GRIA4: variants seen among roughly 807,000 people sequenced by gnomAD.
GRIA4 encodes the protein glutamate ionotropic receptor AMPA type subunit 4.
Under a neutral mutation model 104.0 loss-of-function variants are expected in GRIA4, and 34 were observed. The observed-to-expected ratio is 0.33, with a 90% confidence interval of 0.25 to 0.44. GRIA4 has a LOEUF of 0.44. GRIA4 is among the 20% of genes least tolerant of loss of function. The probability of loss-of-function intolerance (pLI) is 1.00; values close to 1 mark genes in which losing one functional copy is unlikely to be tolerated. For synonymous variants in GRIA4, 386 were observed against 381.9 expected (o/e 1.01, Z -0.13); for missense variants, 750 against 1,096.5 (o/e 0.68, Z 4.46).
intron 4 of GRIA4, among the ~76,000 whole-genome samples, chr11:105,773,730 G>A (rs1402963273): frequency 6.6e-6 from 1 of 152,108 alleles, no homozygotes; most frequent in Admixed American, 6.6e-5. Flanking sequence ...AGGTTGCTAA[G>A]GTAGGTCCTG....
chr11:105,704,343 T>C (rs1953615683), intron 3 of GRIA4, among the ~76,000 whole-genome samples: 1 of 152,044 alleles, frequency 6.6e-6, no homozygotes, highest in Admixed American at 6.6e-5. Context: ...AAGAATTGAC[T>C]AGATAAGGAG....
chr11:105,898,579 T>G, intron 7 of GRIA4, 152 bp downstream of exon 7: 1 of 596,536 alleles, frequency 1.7e-6, no homozygotes, highest in Non-Finnish European at 2.9e-6. Context: ...CACATGCTCT[T>G]AATAATTTCT....
chr11:105,631,323 A>T (rs1951030572), intron 3 of GRIA4, among the ~76,000 whole-genome samples: 1 of 152,232 alleles, frequency 6.6e-6, no homozygotes, highest in Admixed American at 6.5e-5. Context: ...AGGATAGCTT[A>T]AGATAACAGA....
chr11:105,894,006 T>C (rs590908), intron 6 of GRIA4, among the ~76,000 whole-genome samples: 208 of 152,300 alleles, frequency 1.4e-3, no homozygotes, highest in African/African-American at 4.6e-3. Context: ...AGTGGGCATA[T>C]AATAGGCATG....
intron 4 of GRIA4, among the ~76,000 whole-genome samples, chr11:105,805,478 G>GAAA (rs57123559): frequency 8.7e-5 from 8 of 92,476 alleles, no homozygotes; most frequent in African/African-American, 3.6e-4. Context: ...AAGAAATCAG[G>GAAA]AAAAAAAAAA....
intron 3 of GRIA4, among the ~76,000 whole-genome samples, chr11:105,722,780 A>G (rs1937914136): frequency 6.6e-6 from 1 of 152,092 alleles, no homozygotes; most frequent in Non-Finnish European, 1.5e-5. Context: ...CTCCATGTCC[A>G]TTGTATTACA....
intron 4 of GRIA4, among the ~76,000 whole-genome samples, chr11:105,792,561 C>T (rs1017996769): frequency 6.6e-6 from 1 of 151,856 alleles, no homozygotes; most frequent in Admixed American, 6.6e-5. Flanking sequence ...CATATACCAC[C>T]CAAAATTTTG....
chr11:105,979,385 A>G (rs1859157758), intron 16 of GRIA4, among the ~76,000 whole-genome samples, 190 bp from the exon 17 acceptor site: 1 of 152,232 alleles, frequency 6.6e-6, no homozygotes, highest in Non-Finnish European at 1.5e-5. Context: ...AACTCTAGAC[A>G]GATTCATTCT....
intron 3 of GRIA4, among the ~76,000 whole-genome samples, chr11:105,662,422 C>T (rs1952040616): frequency 6.6e-6 from 1 of 151,584 alleles, no homozygotes; most frequent in African/African-American, 2.4e-5. Flanking sequence ...GGCAGAAAGG[C>T]ATGGAAACAG....
At chr11:105,682,211 T>C (rs1179469005) in intron 3 of GRIA4, among the ~76,000 whole-genome samples, 1 of 152,168 alleles carries the variant, frequency 6.6e-6, no homozygotes, top group Non-Finnish European at 1.5e-5. Flanking sequence ...TGAATTAATA[T>C]CTTTATTTTA....
intron 4 of GRIA4, among the ~76,000 whole-genome samples, chr11:105,803,267 C>G (rs1301458024): frequency 6.6e-6 from 1 of 151,862 alleles, no homozygotes; most frequent in African/African-American, 2.4e-5. Flanking sequence ...CAAATTCTTG[C>G]AGGAGGCAAG....
intron 4 of GRIA4, among the ~76,000 whole-genome samples, chr11:105,753,477 A>G (rs1432553957): frequency 6.6e-6 from 1 of 152,182 alleles, no homozygotes; most frequent in Admixed American, 6.5e-5. Context: ...AGAAAAACAA[A>G]CCAAAGTGCT....
chr11:105,845,474 A>C (rs1944549309), intron 4 of GRIA4, among the ~76,000 whole-genome samples: 2 of 152,278 alleles, frequency 1.3e-5, no homozygotes, highest in African/African-American at 4.8e-5. Context: ...CATCAATGTT[A>C]CATGGTAAGA....
At chr11:105,701,517 T>C (rs1953490731) in intron 3 of GRIA4, among the ~76,000 whole-genome samples, 1 of 152,174 alleles carries the variant, frequency 6.6e-6, no homozygotes, top group South Asian at 2.1e-4. Context: ...ACACATCTAC[T>C]ACGTATTGAT....
chr11:105,864,332 T>C (rs1945331789), intron 5 of GRIA4, among the ~76,000 whole-genome samples: 1 of 152,208 alleles, frequency 6.6e-6, no homozygotes, highest in Non-Finnish European at 1.5e-5. Flanking sequence ...AGCTAATCCA[T>C]ACTTTGTCAG....
chr11:105,875,528 T>C (rs1186958544), intron 5 of GRIA4, among the ~76,000 whole-genome samples: 1 of 152,198 alleles, frequency 6.6e-6, no homozygotes, highest in Non-Finnish European at 1.5e-5. Flanking sequence ...AATTTGGCTG[T>C]GAATCTGTCT....
intron 3 of GRIA4, among the ~76,000 whole-genome samples, chr11:105,715,807 C>T (rs1347233860): frequency 1.3e-5 from 2 of 152,072 alleles, no homozygotes; most frequent in South Asian, 2.1e-4. Context: ...CATCTCGTGG[C>T]GCTACCATCC....
chr11:105,955,353 T>C (rs889953044), intron 14 of GRIA4, among the ~76,000 whole-genome samples: 15 of 152,116 alleles, frequency 9.9e-5, no homozygotes, highest in African/African-American at 3.1e-4. Flanking sequence ...CTCCCACTTA[T>C]ATGAGTGAGA....
At chr11:105,841,683 A>C (rs971888870) in intron 4 of GRIA4, among the ~76,000 whole-genome samples, 54 of 152,202 alleles carry the variant, frequency 3.5e-4, no homozygotes, top group Non-Finnish European at 8.8e-5. Flanking sequence ...ACTTGTTAAA[A>C]TAAAGACTTG....
Sources: gnomAD v4.1 joint callset for allele counts (sites outside exome capture counted in the v4.1 genomes callset) on GRCh38, gnomAD v4.1.1 for gene constraint, MANE v1.5 for transcripts, NCBI Gene and HGNC (gene_info 2026-07-23, HGNC 2026-07-21) for gene names.